Variants in ADGRB2 observed in about 807,000 individuals in gnomAD.
The protein encoded by ADGRB2 is adhesion G protein-coupled receptor B2, also known as brain-specific angiogenesis inhibitor 2.
Under a neutral mutation model 178.7 loss-of-function variants are expected in ADGRB2, and 47 were observed. The ratio of observed to expected loss-of-function variants is 0.26; its 90% confidence interval spans 0.21 to 0.34. The LOEUF (loss-of-function observed/expected upper bound fraction) is 0.34. ADGRB2 is among the 10% of genes least tolerant of loss of function. The probability of loss-of-function intolerance (pLI) is 1.00; values close to 1 mark genes in which losing one functional copy is unlikely to be tolerated. For missense variants in ADGRB2, 1,584 were observed against 2,180.8 expected, an observed-to-expected ratio of 0.73 and a Z score of 5.45; for synonymous variants, 870 against 912.4, an observed-to-expected ratio of 0.95 and a Z score of 0.84.
At position 31,741,890 on chromosome 1, in the gene ADGRB2, A is replaced by G; in HGVS notation, c.1495T>C (p.Phe499Leu). 4 of 1,611,712 alleles carry G rather than the reference A, an allele frequency of 2.5e-6. No homozygotes were observed. Among genetic ancestry groups the G allele is most frequent in the Non-Finnish European group, 3.4e-6 (4 of 1,178,312 alleles). ...KTCDTGWQRR[F>L]RMCQATGTQG... ...GTGCCCGTGGCCTGGCACATGCGGA[A>G]GCGGCGCTGCCAGCCTGTGTCACAC... Residue 499 changes from phenylalanine to leucine, a missense_variant, in exon 9 of 33, where the codon TTC becomes CTC. This residue lies in a region of ADGRB2 where 657 missense variants were observed against 847.6 expected (regional missense o/e 0.78). Transcript: ENST00000373658. This position sits in a 1 kb window ranked among gnomAD's most constrained non-coding sequence, Gnocchi z 6.5.
At chr1:31,763,285 G>C (rs1421273169) in intron 1 of ADGRB2, among the ~76,000 whole-genome samples, 1 of 151,186 alleles carries the variant, frequency 6.6e-6, no homozygotes, top group Non-Finnish European at 1.5e-5. Context: ...GCGGGACTCC[G>C]GTCAGATAGA....
rs755841119 is a variant in ADGRB2 at position 31,741,424 on chromosome 1, C to A, written c.1743G>T (p.Leu581=). ...LSAQGVAYWG[L]PSFARCISHE... is the part of the protein sequence containing the mutation. Reference sequence around the variant, plus strand: ...GGGAGATGCAGCGAGCAAAGCTGGGCAGCCCCCAGTACGCCACGCCTTGGG... The same window carrying A: ...GGGAGATGCAGCGAGCAAAGCTGGGAAGCCCCCAGTACGCCACGCCTTGGG... The change falls in exon 11 of 33, where the codon CTG becomes CTT. Residue 581 remains leucine (L), a synonymous_variant. Transcript: ENST00000373658. The surrounding 1 kb of genome is among the most constrained non-coding windows in gnomAD (Gnocchi z 6.5). 6.2e-7 allele frequency: 1 copy of A among 1,607,000 alleles called. No individual in the cohort carries two copies. Among genetic ancestry groups the A allele is most frequent in the South Asian group, 1.1e-5 (1 of 89,678 alleles).
intron 1 of ADGRB2, among the ~76,000 whole-genome samples, chr1:31,762,213 G>A (rs1417868239): frequency 2.0e-5 from 3 of 152,238 alleles, no homozygotes; most frequent in South Asian, 4.1e-4. Flanking sequence ...GGAAGGAGGA[G>A]AGAGGGAAGA....
At position 31,756,293 on chromosome 1, in the gene ADGRB2, A is replaced by G. The variant is rs750721540; in HGVS notation, c.544T>C (p.Phe182Leu). The change falls in exon 4 of 33, where the codon TTT becomes CTT. Residue 182 changes from phenylalanine (F) to leucine (L), a missense_variant. Coordinates refer to ENST00000373658, the MANE Select transcript of ADGRB2 (RefSeq NM_001364857.2). This position sits in a 1 kb window ranked among gnomAD's most constrained non-coding sequence, Gnocchi z 8.5. ...LLAPAALAFR[F>L]VEVLLINNNN... ...TTGTTGATGAGCAAGACCTCGACAA[A>G]GCGGAAGGCTAGGGCAGCGGGCGCC... 2 of 1,613,060 alleles carry G rather than the reference A, an allele frequency of 1.2e-6. No individual in the cohort carries two copies. Among genetic ancestry groups the G allele is most frequent in the Non-Finnish European group, 1.7e-6 (2 of 1,179,964 alleles).
intron 22 of ADGRB2, 125 bp from the exon 23 acceptor site, chr1:31,736,018 T>G: frequency 9.3e-7 from 1 of 1,069,968 alleles, no homozygotes; most frequent in Non-Finnish European, 1.3e-6. Context: ...CCCCAGACGG[T>G]GAGAGTGAGC....
At chr1:31,742,002 G>C (rs751833730) in intron 8 of ADGRB2, 35 bp from the exon 9 acceptor site, 2 of 1,583,702 alleles carry the variant, frequency 1.3e-6, no homozygotes, top group African/African-American at 1.3e-5. Context: ...GTGGGCCCAG[G>C]TACCCCCATG....
intron 14 of ADGRB2, 28 bp from the exon 15 acceptor site, chr1:31,739,663 C>A (rs779202000): frequency 1.3e-6 from 2 of 1,549,662 alleles, no homozygotes; most frequent in Non-Finnish European, 8.7e-7. Context: ...TGGACAGAGA[C>A]AGACAGAGGG....
chr1:31,756,378 G>C lies in ADGRB2; in HGVS notation c.459C>G (p.Phe153Leu), dbSNP rs145737846. Reference sequence around the variant, plus strand: ...GGCACAGCTGCACGAAGTTCTTGTCGAAGTGCAGGAAGGTAAAGGGGCCTG... The same window carrying C: ...GGCACAGCTGCACGAAGTTCTTGTCCAAGTGCAGGAAGGTAAAGGGGCCTG... ...SGSGPFTFLH[F>L]DKNFVQLCLS... Residue 153 changes from phenylalanine (F) to leucine (L), a missense_variant, in exon 4 of 33, where the codon TTC becomes TTG. By Grantham distance (22) the Phe-to-Leu change is conservative. Coordinates refer to ENST00000373658, the MANE Select transcript of ADGRB2 (RefSeq NM_001364857.2). The surrounding 1 kb of genome is among the most constrained non-coding windows in gnomAD (Gnocchi z 8.5). 15 of 1,612,888 alleles carry C rather than the reference G, an allele frequency of 9.3e-6. No homozygotes were observed. Among genetic ancestry groups the C allele is most frequent in the African/African-American group, 4.0e-5 (3 of 74,954 alleles).
At chr1:31,734,342 G>A (rs906702763) in intron 25 of ADGRB2, among the ~76,000 whole-genome samples, 9 of 152,246 alleles carry the variant, frequency 5.9e-5, no homozygotes, top group African/African-American at 1.9e-4. Flanking sequence ...GCCCAGCTGG[G>A]CAGGGAGAGG....
chr1:31,737,312 A>G, intron 20 of ADGRB2, 117 bp downstream of exon 20: 2 of 961,056 alleles, frequency 2.1e-6, no homozygotes. Flanking sequence ...TAATCCCAAC[A>G]TGGGGCACAC....
In ADGRB2 at chr1:31,733,279, T is replaced by C; in HGVS notation, c.3453-136A>G. On this transcript the variant is annotated intron_variant, in intron 25 of 32. Transcript: ENST00000373658. The surrounding 1 kb of genome is among the most constrained non-coding windows in gnomAD (Gnocchi z 4.3). ...CCCAAACCCCAGGGCCTCAGTAATG[T>C]CCCCAAGCAGAGAGGGGCTGAGGAG... 1 of 924,706 alleles carries C rather than the reference T, an allele frequency of 1.1e-6. No individual in the cohort carries two copies. The highest frequency in any genetic ancestry group is 2.6e-5 in the East Asian group (1 of 37,824). 57.3% of individuals were successfully genotyped at this position (924,706 alleles called of 1,614,324 possible).
At chr1:31,747,802 TTTGTAA>T (rs1646353761) in intron 4 of ADGRB2, among the ~76,000 whole-genome samples, 1 of 152,232 alleles carries the variant, frequency 6.6e-6, no homozygotes, top group Non-Finnish European at 1.5e-5. Flanking sequence ...GGAATGGTCA[TTTGTAA>T]TCTTGACTCC....
At chr1:31,760,119 C>T (rs557125131) in intron 1 of ADGRB2, among the ~76,000 whole-genome samples, 1 of 152,276 alleles carries the variant, frequency 6.6e-6, no homozygotes, top group South Asian at 2.1e-4. Flanking sequence ...CTGGCTACCT[C>T]CAAACCCAGG....
chr1:31,728,642 G>T lies in ADGRB2; in HGVS notation c.4381-9C>A. Reference sequence around the variant, plus strand: ...TACCGTAATTTCTTTCGCTGGGAAGGAGCAACAAGGAGGCAATGGAGGAGA... The same window carrying T: ...TACCGTAATTTCTTTCGCTGGGAAGTAGCAACAAGGAGGCAATGGAGGAGA... On this transcript the variant is annotated splice_polypyrimidine_tract_variant and intron_variant, in intron 29 of 32. Coordinates refer to ENST00000373658, the MANE Select transcript of ADGRB2 (RefSeq NM_001364857.2). This position sits in a 1 kb window ranked among gnomAD's most constrained non-coding sequence, Gnocchi z 6.7. 1 of 1,613,982 alleles carries T rather than the reference G, an allele frequency of 6.2e-7. No homozygotes were observed. Among genetic ancestry groups the T allele is most frequent in the South Asian group, 1.1e-5 (1 of 91,056 alleles).
rs1302049605 is a variant in ADGRB2 at position 31,744,536 on chromosome 1, G to A, written c.922+112C>T. The A allele has an allele frequency of 1.4e-6, 2 of 1,455,382 alleles. No homozygotes were observed. The highest frequency in any genetic ancestry group is 1.9e-6 in the Non-Finnish European group (2 of 1,063,230). 90.2% of individuals were successfully genotyped at this position (1,455,382 alleles called of 1,614,324 possible). Reference sequence around the variant, plus strand: ...CTTCCCACAAGCTTCATGTGGCACAGACGCGACTGAACTGCAGGACAGAGA... The same window carrying A: ...CTTCCCACAAGCTTCATGTGGCACAAACGCGACTGAACTGCAGGACAGAGA... On this transcript the variant is annotated intron_variant, in intron 5 of 32. Transcript: ENST00000373658. This position sits in a 1 kb window ranked among gnomAD's most constrained non-coding sequence, Gnocchi z 6.7.
At chr1:31,732,704 T>G in intron 26 of ADGRB2, 92 bp from the exon 27 acceptor site, 1 of 1,435,336 alleles carries the variant, frequency 7.0e-7, no homozygotes, top group Non-Finnish European at 9.6e-7. Flanking sequence ...CCCAGGCAAG[T>G]GTAGAAGGAA....
In ADGRB2 at chr1:31,758,335, G is replaced by A. The variant is rs1646935261; in HGVS notation, c.-190-824C>T. Among the ~76,000 whole-genome samples, 1 of 152,232 alleles carries A rather than the reference G, an allele frequency of 6.6e-6. No homozygotes were observed. The highest frequency in any genetic ancestry group is 2.4e-5 in the African/African-American group (1 of 41,450). ...AGCCCAGGCCTGTCTCCCTCCACCA[G>A]TAGCCTCTGCTCCTTCCCTAGGCTT... On this transcript the variant is annotated intron_variant, in intron 1 of 32. Transcript: ENST00000373658. The surrounding 1 kb of genome is among the most constrained non-coding windows in gnomAD (Gnocchi z 4.2).
intron 4 of ADGRB2, among the ~76,000 whole-genome samples, chr1:31,745,205 G>A (rs976178165): frequency 2.6e-5 from 4 of 152,204 alleles, no homozygotes; most frequent in African/African-American, 9.7e-5. Flanking sequence ...CCTAGGGGCT[G>A]AAAAAACATC....
rs775422771 is a variant in ADGRB2, at chr1:31,736,721, G to A, written c.2982C>T (p.Gly994=). 8.7e-6 allele frequency: 14 copies of A among 1,613,466 alleles called. No individual in the cohort carries two copies. The highest frequency in any genetic ancestry group is 2.7e-5 in the African/African-American group (2 of 75,038). The change falls in exon 21 of 33, where the codon GGC becomes GGT. Residue 994 remains glycine, a splice_region_variant and synonymous_variant. Coordinates refer to ENST00000373658, the MANE Select transcript of ADGRB2 (RefSeq NM_001364857.2). ...LVGQSRVLSK[G]VCTMTAAFLH... is the part of the protein sequence containing the mutation. Reference sequence around the variant, plus strand: ...GGAAGGCAGCCGTCATGGTGCACACGCCCTGCAGGGAGAGGGAATGGGAGG... The same window carrying A: ...GGAAGGCAGCCGTCATGGTGCACACACCCTGCAGGGAGAGGGAATGGGAGG...
Sources: gnomAD v4.1 joint callset for allele counts (sites outside exome capture counted in the v4.1 genomes callset) on GRCh38, gnomAD v4.1.1 for gene constraint, gnomAD v4.1.1 regional missense constraint, Gnocchi (gnomAD v3.1) non-coding constraint, MANE v1.5 for transcripts, NCBI Gene and HGNC (gene_info 2026-07-23, HGNC 2026-07-21) for gene names.